Variants in SPICE1 observed in about 807,000 individuals in gnomAD.
The protein encoded by SPICE1 is spindle and centriole associated protein 1.
A neutral mutation model predicts 102.7 loss-of-function variants in SPICE1; 75 were observed. That is an observed-to-expected ratio of 0.73 (90% CI 0.61 to 0.88). SPICE1 has a LOEUF of 0.88. Among genes scored for constraint, SPICE1 ranks in the 40% least tolerant of loss-of-function variants. SPICE1 has a pLI of 0.00. For missense variants in SPICE1, 979 were observed against 1,020.1 expected (o/e 0.96, Z 0.55); for synonymous variants, 308 against 350.3 (o/e 0.88, Z 1.35).
intron 3 of SPICE1, among the ~76,000 whole-genome samples, chr3:113,501,583 C>T (rs755691789): frequency 1.3e-5 from 2 of 151,990 alleles, no homozygotes; most frequent in Non-Finnish European, 2.9e-5. Flanking sequence ...ACAAATAATC[C>T]AATTTTTAAA....
Position 113,453,501 on chromosome 3 carries a change from A to C in SPICE1, c.2107T>G (p.Leu703Val), listed in dbSNP as rs762782357. The change falls in exon 14 of 18, where the codon TTG becomes GTG. Residue 703 changes from leucine (L) to valine (V), a missense_variant. Physicochemically the swap from Leu to Val is conservative, Grantham distance 32. Coordinates refer to ENST00000295872, the MANE Select transcript of SPICE1 (RefSeq NM_144718.4). ...TCACTTGCACTTTCTTGTTTGTTCA[A>C]CTCCCGGAGTCCATCCCCTTGCTCT... ...RGEQGDGLRE[L>V]NKQESASDMT... The C allele has an allele frequency of 4.3e-6, 7 of 1,611,252 alleles. No individual in the cohort carries two copies. The Admixed American group carries it at 1.2e-4, about 27-fold the overall frequency.
chr3:113,447,111 A>G (rs970362360), intron 16 of SPICE1, among the ~76,000 whole-genome samples: 17 of 152,190 alleles, frequency 1.1e-4, no homozygotes, highest in African/African-American at 3.9e-4. Context: ...GCCTCCCACC[A>G]TGATTTTAAA....
intron 12 of SPICE1, chr3:113,460,232 G>A: frequency 1.0e-6 from 1 of 985,110 alleles, no homozygotes; most frequent in Non-Finnish European, 1.2e-6. Flanking sequence ...TCTAAATCTA[G>A]AGCACTGGGA....
At chr3:113,503,111 C>G in intron 3 of SPICE1, 69 bp downstream of exon 3, 1 of 1,510,850 alleles carries the variant, frequency 6.6e-7, no homozygotes, top group Non-Finnish European at 9.1e-7. Context: ...AGTTTCTATT[C>G]TAAAGGTTAC....
At chr3:113,453,425 A>T in intron 14 of SPICE1, 41 bp downstream of exon 14, 1 of 1,529,592 alleles carries the variant, frequency 6.5e-7, no homozygotes, top group Non-Finnish European at 8.8e-7. Flanking sequence ...TTCCTATTTA[A>T]ATTCCTATAT....
chr3:113,455,985 T>C (rs532333029), intron 13 of SPICE1, among the ~76,000 whole-genome samples: 16 of 152,312 alleles, frequency 1.1e-4, no homozygotes, highest in African/African-American at 3.8e-4. Flanking sequence ...TCTCATTTCA[T>C]AGATGGAAAA....
At chr3:113,450,984 C>G (rs1398252731) in intron 14 of SPICE1, among the ~76,000 whole-genome samples, 1 of 152,206 alleles carries the variant, frequency 6.6e-6, no homozygotes, top group Non-Finnish European at 1.5e-5. Context: ...ATCTGCAGAG[C>G]TGCACAAAAG....
chr3:113,485,981 G>A (rs554863242), intron 7 of SPICE1, among the ~76,000 whole-genome samples: 13 of 151,906 alleles, frequency 8.6e-5, no homozygotes, highest in Non-Finnish European at 1.6e-4. Context: ...GCCTGGTGGC[G>A]CATGCCTGTA....
intron 7 of SPICE1, among the ~76,000 whole-genome samples, chr3:113,473,967 C>T (rs1936271931): frequency 6.6e-6 from 1 of 152,052 alleles, no homozygotes; most frequent in Non-Finnish European, 1.5e-5. Context: ...GGACTAAATG[C>T]TCCAATTAAA....
At chr3:113,479,667 A>C (rs906700812) in intron 7 of SPICE1, among the ~76,000 whole-genome samples, 8 of 152,118 alleles carry the variant, frequency 5.3e-5, no homozygotes, top group Non-Finnish European at 1.0e-4. Context: ...ACAATTCTTA[A>C]GTAAACATGA....
Position 113,460,621 on chromosome 3 carries a change from A to G in SPICE1, c.1431T>C (p.Ser477=). Residue 477 remains serine, a synonymous_variant, in exon 12 of 18, where the codon AGT becomes AGC. Transcript: ENST00000295872. The part of the protein sequence containing the change: ...SGATGRRVMD[S]PERPVVNANV... Reference sequence around the variant, plus strand: ...AGAGAGTAAGACCACACTCACCTGGACTGTCCATAACTCTTCTACCTGTGG... The same window carrying G: ...AGAGAGTAAGACCACACTCACCTGGGCTGTCCATAACTCTTCTACCTGTGG... 6.2e-7 allele frequency: 1 copy of G among 1,609,896 alleles called. No homozygotes were observed.
At chr3:113,494,641 C>T (rs1327500039) in intron 4 of SPICE1, among the ~76,000 whole-genome samples, 4 of 141,624 alleles carry the variant, frequency 2.8e-5, no homozygotes, top group African/African-American at 5.3e-5. Context: ...AGCGAGACTC[C>T]GTCTCAAAAA....
At chr3:113,483,910 T>C (rs1416712256) in intron 7 of SPICE1, among the ~76,000 whole-genome samples, 2 of 152,202 alleles carry the variant, frequency 1.3e-5, no homozygotes, top group African/African-American at 4.8e-5. Flanking sequence ...TTAGGGAGGA[T>C]TCCCTCTTTT....
intron 1 of SPICE1, among the ~76,000 whole-genome samples, chr3:113,509,719 C>G (rs140053717): frequency 1.3e-3 from 194 of 152,276 alleles, no homozygotes; most frequent in Middle Eastern, 6.8e-3. Flanking sequence ...TTGGCTGAGT[C>G]CCCACCCAAA....
chr3:113,498,629 T>A (rs1020788545), intron 4 of SPICE1, among the ~76,000 whole-genome samples: 10 of 152,204 alleles, frequency 6.6e-5, no homozygotes, highest in Non-Finnish European at 1.5e-5. Context: ...CCTGATGATG[T>A]CTAAGACTGA....
chr3:113,512,511 C>T (rs1937241947), intron 1 of SPICE1, among the ~76,000 whole-genome samples: 2 of 149,554 alleles, frequency 1.3e-5, no homozygotes, highest in Admixed American at 1.4e-4. Flanking sequence ...CGGGTTCAAG[C>T]GATTCTCCTC....
chr3:113,488,896 C>A (rs1316439906), intron 7 of SPICE1, 49 bp downstream of exon 7: 2 of 1,069,070 alleles, frequency 1.9e-6, no homozygotes, highest in East Asian at 2.4e-5. Context: ...ATTGAAATGG[C>A]CATGGAAAAA....
intron 4 of SPICE1, among the ~76,000 whole-genome samples, chr3:113,495,601 A>G (rs1308852102): frequency 6.6e-6 from 1 of 152,206 alleles, no homozygotes; most frequent in Admixed American, 6.5e-5. Flanking sequence ...ATGGATATGG[A>G]AACACTGAAA....
At position 113,453,455 on chromosome 3, in the gene SPICE1, A is replaced by T. The variant is rs752991054; in HGVS notation, c.2142+11T>A. On this transcript the variant is annotated intron_variant, in intron 14 of 17. Transcript: ENST00000295872. Reference sequence around the variant, plus strand: ...CTATATGTCCCTAATCAATCCTTAAATGGTACTCACAGAAGTCATGTCACT... The same window carrying T: ...CTATATGTCCCTAATCAATCCTTAATTGGTACTCACAGAAGTCATGTCACT... 2 of 1,586,456 alleles carry T rather than the reference A, an allele frequency of 1.3e-6. No individual in the cohort carries two copies. The highest frequency in any genetic ancestry group is 2.7e-5 in the African/African-American group (2 of 73,714).
Sources: gnomAD v4.1 joint callset for allele counts (sites outside exome capture counted in the v4.1 genomes callset) on GRCh38, gnomAD v4.1.1 for gene constraint, MANE v1.5 for transcripts, NCBI Gene and HGNC (gene_info 2026-07-23, HGNC 2026-07-21) for gene names.